Variants in L3MBTL4 observed in about 807,000 individuals in gnomAD.
L3MBTL4 encodes the protein lethal(3)malignant brain tumor-like protein 4.
Under a neutral mutation model 84.5 loss-of-function variants are expected in L3MBTL4, and 70 were observed. That is an observed-to-expected ratio of 0.83 (90% CI 0.68 to 1.01). The LOEUF is 1.01. L3MBTL4 is among the 50% of genes least tolerant of loss of function. The pLI is 0.00. For synonymous variants in L3MBTL4, 274 were observed against 259.8 expected (o/e 1.05, Z -0.52); for missense variants, 715 against 754.8 (o/e 0.95, Z 0.62).
intron 5 of L3MBTL4, among the ~76,000 whole-genome samples, chr18:6,245,580 G>A (rs1162443997): frequency 1.4e-5 from 2 of 147,978 alleles, no homozygotes; most frequent in East Asian, 2.0e-4. Context: ...AGCTACATAG[G>A]TATTTTCCTT....
At chr18:6,232,994 G>A (rs2047060068) in intron 10 of L3MBTL4, among the ~76,000 whole-genome samples, 1 of 152,064 alleles carries the variant, frequency 6.6e-6, no homozygotes. Context: ...CTTCATCCCT[G>A]GGATGCAAGG....
chr18:6,218,761 G>A (rs2046428361), intron 10 of L3MBTL4, among the ~76,000 whole-genome samples: 3 of 152,104 alleles, frequency 2.0e-5, no homozygotes, highest in African/African-American at 7.2e-5. Flanking sequence ...CCCAGGGAGA[G>A]TTGCAAAAGC....
intron 12 of L3MBTL4, among the ~76,000 whole-genome samples, chr18:6,208,927 T>G (rs2045982598): frequency 6.6e-6 from 1 of 152,154 alleles, no homozygotes; most frequent in Non-Finnish European, 1.5e-5. Flanking sequence ...ATATTTTCAG[T>G]ATAAAAATCA....
chr18:6,239,867 C>G lies in L3MBTL4; in HGVS notation c.558G>C (p.Gly186=). The change falls in exon 9 of 19, where the codon GGG becomes GGC. Residue 186 remains glycine (G), a synonymous_variant. Coordinates refer to ENST00000317931, the MANE Select transcript of L3MBTL4 (RefSeq NM_001330559.2). The part of the protein sequence containing the change: ...KKLFRNRSPN[G]PMSKEFQVGM... Reference sequence around the variant, plus strand: ...CAACCTGAAATTCTTTAGACATTGGCCCATTCTAACGCAGCACCAGCAGGG... The same window carrying G: ...CAACCTGAAATTCTTTAGACATTGGGCCATTCTAACGCAGCACCAGCAGGG... The G allele has an allele frequency of 1.2e-6, 2 of 1,614,074 alleles. No individual in the cohort carries two copies. The highest frequency in any genetic ancestry group is 1.7e-6 in the Non-Finnish European group (2 of 1,180,002).
At chr18:6,399,356 G>A (rs950998417) in intron 1 of L3MBTL4, among the ~76,000 whole-genome samples, 4 of 151,976 alleles carry the variant, frequency 2.6e-5, no homozygotes, top group Admixed American at 6.5e-5. Context: ...AGAATCGCCT[G>A]AACCCGGGAG....
At chr18:6,320,319 G>A (rs942725498) in intron 1 of L3MBTL4, among the ~76,000 whole-genome samples, 4 of 151,894 alleles carry the variant, frequency 2.6e-5, no homozygotes, top group Non-Finnish European at 1.5e-5. Flanking sequence ...AGAAATAAAG[G>A]GCATCCACAT....
At chr18:6,145,822 C>A (rs1279010895) in intron 13 of L3MBTL4, among the ~76,000 whole-genome samples, 1 of 152,092 alleles carries the variant, frequency 6.6e-6, no homozygotes, top group East Asian at 1.9e-4. Flanking sequence ...AGGGATATGG[C>A]GGCAAACCAG....
intron 17 of L3MBTL4, 26 bp downstream of exon 17, chr18:5,969,367 C>T (rs1308999820): frequency 3.1e-6 from 5 of 1,613,002 alleles, no homozygotes; most frequent in Admixed American, 1.7e-5. Context: ...ACACCCCAGC[C>T]CTGGCCCCCC....
chr18:5,958,526 A>C (rs1408502285), intron 18 of L3MBTL4, among the ~76,000 whole-genome samples: 1 of 152,200 alleles, frequency 6.6e-6, no homozygotes, highest in Non-Finnish European at 1.5e-5. Context: ...ATGGAGCTAC[A>C]GTAATCTATT....
chr18:6,199,831 C>A (rs1213275608), intron 12 of L3MBTL4, among the ~76,000 whole-genome samples: 3 of 152,162 alleles, frequency 2.0e-5, no homozygotes, highest in Admixed American at 2.0e-4. Flanking sequence ...ACAAAATTTG[C>A]TTACGGGTGA....
chr18:6,169,705 C>T (rs2043869099), intron 13 of L3MBTL4, among the ~76,000 whole-genome samples: 1 of 150,848 alleles, frequency 6.6e-6, no homozygotes, highest in Non-Finnish European at 1.5e-5. Flanking sequence ...GGAGGGATAG[C>T]ATTAGGAGAT....
intron 15 of L3MBTL4, among the ~76,000 whole-genome samples, chr18:6,090,066 G>A (rs762185233): frequency 6.6e-6 from 1 of 152,106 alleles, no homozygotes; most frequent in Non-Finnish European, 1.5e-5. Flanking sequence ...CCAAATGAAA[G>A]AAACTCAAGT....
intron 4 of L3MBTL4, among the ~76,000 whole-genome samples, chr18:6,285,036 G>T (rs2049504774): frequency 6.6e-6 from 1 of 152,272 alleles, no homozygotes; most frequent in Admixed American, 6.5e-5. Flanking sequence ...CCAGCGAGGG[G>T]AGTCCAGTTT....
At chr18:6,046,569 G>A (rs145156094) in intron 16 of L3MBTL4, among the ~76,000 whole-genome samples, 12 of 152,032 alleles carry the variant, frequency 7.9e-5, no homozygotes, top group Admixed American at 3.3e-4. Flanking sequence ...CTCAGACCAC[G>A]GTGGAATTAA....
chr18:6,230,577 T>A (rs1205178605), intron 10 of L3MBTL4, among the ~76,000 whole-genome samples: 1 of 152,178 alleles, frequency 6.6e-6, no homozygotes, highest in Non-Finnish European at 1.5e-5. Context: ...GAACAATTTA[T>A]ATTCCTTTGG....
At chr18:6,171,999 G>T (rs1017852335) in intron 12 of L3MBTL4, 57 bp from the exon 13 acceptor site, 2 of 808,060 alleles carry the variant, frequency 2.5e-6, no homozygotes, top group Non-Finnish European at 4.0e-6. Context: ...CACTATTCCT[G>T]TATCAAAATA....
intron 4 of L3MBTL4, among the ~76,000 whole-genome samples, chr18:6,284,586 C>T (rs576458683): frequency 2.5e-4 from 38 of 152,356 alleles, no homozygotes; most frequent in African/African-American, 9.1e-4. Context: ...TGGCCGGCTG[C>T]GCACGCAGGC....
chr18:6,119,320 C>T (rs2059456011), intron 14 of L3MBTL4, among the ~76,000 whole-genome samples: 1 of 152,102 alleles, frequency 6.6e-6, no homozygotes, highest in Non-Finnish European at 1.5e-5. Context: ...ATGCAAACAG[C>T]CGAACAATTG....
At chr18:6,287,021 T>C (rs2049624568) in intron 4 of L3MBTL4, among the ~76,000 whole-genome samples, 1 of 152,186 alleles carries the variant, frequency 6.6e-6, no homozygotes. Context: ...TTATGGTCCT[T>C]CTTGGTAAGT....
Sources: gnomAD v4.1 joint callset for allele counts (sites outside exome capture counted in the v4.1 genomes callset) on GRCh38, gnomAD v4.1.1 for gene constraint, MANE v1.5 for transcripts, NCBI Gene and HGNC (gene_info 2026-07-23, HGNC 2026-07-21) for gene names.